KCNQ3: variants seen among roughly 807,000 people sequenced by gnomAD.
The protein encoded by KCNQ3 is potassium voltage-gated channel subfamily KQT member 3.
Under a neutral mutation model 92.5 loss-of-function variants are expected in KCNQ3, and 30 were observed. That is an observed-to-expected ratio of 0.32 (90% confidence interval 0.24 to 0.44). KCNQ3 has a LOEUF of 0.44. KCNQ3 is among the 20% of genes least tolerant of loss of function. The pLI is 1.00. For missense variants in KCNQ3, 913 were observed against 1,140.3 expected, an observed-to-expected ratio of 0.80 and a Z score of 2.87; for synonymous variants, 450 against 468.8, an observed-to-expected ratio of 0.96 and a Z score of 0.52.
At chr8:132,248,635 C>T (rs767844937) in intron 1 of KCNQ3, among the ~76,000 whole-genome samples, 4 of 152,290 alleles carry the variant, frequency 2.6e-5, no homozygotes, top group African/African-American at 7.2e-5. Flanking sequence ...CTTTACTTGT[C>T]TTTCCACTCC....
At chr8:132,383,653 C>G (rs1819815523) in intron 1 of KCNQ3, among the ~76,000 whole-genome samples, 1 of 152,200 alleles carries the variant, frequency 6.6e-6, no homozygotes, top group Non-Finnish European at 1.5e-5. Flanking sequence ...ATCTCTACAG[C>G]CCTCAGCAGC....
chr8:132,139,630 CA>C (rs367692296), intron 11 of KCNQ3, among the ~76,000 whole-genome samples: 5 of 151,952 alleles, frequency 3.3e-5, no homozygotes, highest in South Asian at 2.1e-4. Context: ...CTGATACAGA[CA>C]AAAAAATACT....
intron 12 of KCNQ3, among the ~76,000 whole-genome samples, chr8:132,135,503 G>A (rs144317282): frequency 3.3e-5 from 5 of 152,140 alleles, no homozygotes; most frequent in East Asian, 1.9e-4. Context: ...CTCTTGCCCC[G>A]CAAGGTCAGC....
intron 1 of KCNQ3, among the ~76,000 whole-genome samples, chr8:132,194,365 A>C (rs528546340): frequency 6.6e-6 from 1 of 152,350 alleles, no homozygotes; most frequent in African/African-American, 2.4e-5. Context: ...GAAAAGCCTC[A>C]GATGTTAAAG....
At chr8:132,242,610 A>C (rs550156449) in intron 1 of KCNQ3, among the ~76,000 whole-genome samples, 42 of 152,328 alleles carry the variant, frequency 2.8e-4, no homozygotes, top group Admixed American at 6.5e-4. Flanking sequence ...ATAGGAACCT[A>C]AATTCATAGA....
intron 1 of KCNQ3, among the ~76,000 whole-genome samples, chr8:132,398,716 GA>G (rs1820259617): frequency 6.6e-6 from 1 of 152,214 alleles, no homozygotes; most frequent in African/African-American, 2.4e-5. Flanking sequence ...GGGGATACAG[GA>G]GAGGGGAGCA....
chr8:132,389,613 AGAC>A (rs1819995400), intron 1 of KCNQ3, among the ~76,000 whole-genome samples: 1 of 152,246 alleles, frequency 6.6e-6, no homozygotes. Context: ...AGTGATGTAG[AGAC>A]TAGAGTACTC....
At chr8:132,138,174 G>T (rs941593251) in intron 11 of KCNQ3, among the ~76,000 whole-genome samples, 158 bp from the exon 12 acceptor site, 5 of 152,140 alleles carry the variant, frequency 3.3e-5, no homozygotes, top group African/African-American at 9.7e-5. Context: ...CTACCCCTTG[G>T]AACACACAGA....
chr8:132,386,205 A>T (rs1228127843), intron 1 of KCNQ3, among the ~76,000 whole-genome samples: 1 of 152,174 alleles, frequency 6.6e-6, no homozygotes, highest in African/African-American at 2.4e-5. Flanking sequence ...TCCTTAGAGG[A>T]AAATGTATAG....
intron 1 of KCNQ3, among the ~76,000 whole-genome samples, chr8:132,209,410 C>A (rs1813777992): frequency 6.6e-6 from 1 of 152,038 alleles, no homozygotes; most frequent in Non-Finnish European, 1.5e-5. Context: ...GCAAAAAGAG[C>A]TGGATGTGGA....
chr8:132,231,323 G>A (rs1814639798), intron 1 of KCNQ3, among the ~76,000 whole-genome samples: 2 of 152,174 alleles, frequency 1.3e-5, no homozygotes, highest in South Asian at 2.1e-4. Context: ...ACTCATATAG[G>A]TGGGTTTCTT....
At chr8:132,433,153 T>C (rs547481806) in intron 1 of KCNQ3, among the ~76,000 whole-genome samples, 2 of 152,202 alleles carry the variant, frequency 1.3e-5, no homozygotes, top group Non-Finnish European at 2.9e-5. Context: ...TCATACTTTA[T>C]TGTGAGTGTC....
chr8:132,170,078 G>A (rs2130107559), intron 8 of KCNQ3, among the ~76,000 whole-genome samples: 1 of 152,040 alleles, frequency 6.6e-6, no homozygotes, highest in South Asian at 2.1e-4. Context: ...TCACCATGTT[G>A]GCCAGGCTGG....
chr8:132,303,677 T>TATATATACAC (rs376933089), intron 1 of KCNQ3, among the ~76,000 whole-genome samples: 1 of 85,990 alleles, frequency 1.2e-5, no homozygotes, highest in African/African-American at 4.5e-5. Flanking sequence ...TATATATATA[T>TATATATACAC]ACACACACAC....
At position 132,271,456 on chromosome 8, in the gene KCNQ3, C is replaced by T. The variant is rs554236495; in HGVS notation, c.387-85275G>A. ...TTAATTTTCAAAAACACCTCTTGAA[C>T]TCTGCAACCCAGCTTGTTTCCATAG... On this transcript the variant is annotated intron_variant, in intron 1 of 14. Coordinates refer to ENST00000388996, the MANE Select transcript of KCNQ3 (RefSeq NM_004519.4). Among the ~76,000 whole-genome samples, 11 of 152,248 alleles carry T rather than the reference C, an allele frequency of 7.2e-5. 1 individual carries two copies. The South Asian group carries it at 2.1e-3, about 29-fold the overall frequency.
chr8:132,200,341 G>C (rs1431742690), intron 1 of KCNQ3, among the ~76,000 whole-genome samples: 1 of 151,292 alleles, frequency 6.6e-6, no homozygotes, highest in African/African-American at 2.5e-5. Flanking sequence ...GGTTGCTTTT[G>C]TGATGGAGCA....
At chr8:132,362,159 T>C (rs991436292) in intron 1 of KCNQ3, among the ~76,000 whole-genome samples, 1 of 152,178 alleles carries the variant, frequency 6.6e-6, no homozygotes, top group African/African-American at 2.4e-5. Context: ...AGCAATCTTT[T>C]TTCTATTATT....
At chr8:132,182,477 T>C (rs939618183) in intron 3 of KCNQ3, among the ~76,000 whole-genome samples, 1 of 152,258 alleles carries the variant, frequency 6.6e-6, no homozygotes, top group Non-Finnish European at 1.5e-5. Flanking sequence ...CGTGTGATGC[T>C]GAGGCCCAGC....
chr8:132,426,552 C>T (rs558094760), intron 1 of KCNQ3, among the ~76,000 whole-genome samples: 81 of 152,198 alleles, frequency 5.3e-4, no homozygotes, highest in Non-Finnish European at 7.1e-4. Flanking sequence ...AATAAACTAT[C>T]GATCTCCCCC....
Sources: allele counts gnomAD v4.1 joint callset (sites outside exome capture counted in the v4.1 genomes callset), GRCh38; gene constraint gnomAD v4.1.1; transcripts MANE v1.5; gene names NCBI Gene and HGNC (gene_info 2026-07-23, HGNC 2026-07-21).